Variants in MAD1L1 observed in about 807,000 individuals in gnomAD.
The protein encoded by MAD1L1 is mitotic arrest deficient 1 like 1.
A neutral mutation model predicts 96.9 loss-of-function variants in MAD1L1; 95 were observed. The ratio of observed to expected loss-of-function variants is 0.98; its 90% CI spans 0.83 to 1.16. The LOEUF is 1.16. Among genes scored for constraint, MAD1L1 ranks in the 50% most tolerant of loss-of-function variants. The pLI, the probability that MAD1L1 is intolerant of heterozygous loss-of-function variation, is 0.00. For missense variants in MAD1L1, 1,007 were observed against 954.4 expected, an observed-to-expected ratio of 1.06 and a Z score of -0.73; for synonymous variants, 473 against 396.6, an observed-to-expected ratio of 1.19 and a Z score of -2.29.
intron 17 of MAD1L1, among the ~76,000 whole-genome samples, chr7:1,910,980 G>A (rs79693194): frequency 0.35 from 53,687 of 151,720 alleles, 9,487 homozygotes; most frequent in Middle Eastern, 0.42. Flanking sequence ...AGGCCCTGGC[G>A]GGGCCTGGTC....
chr7:2,033,535 TA>T (rs1783327612), intron 12 of MAD1L1, among the ~76,000 whole-genome samples: 1 of 152,190 alleles, frequency 6.6e-6, no homozygotes, highest in South Asian at 2.1e-4. Flanking sequence ...GAAAACCTTT[TA>T]CAAATCAATA....
chr7:1,970,124 T>C (rs953689221), intron 15 of MAD1L1, among the ~76,000 whole-genome samples: 11 of 152,212 alleles, frequency 7.2e-5, no homozygotes, highest in Non-Finnish European at 1.2e-4. Context: ...GTTGTAGGAC[T>C]GGGCTGGAAA....
intron 18 of MAD1L1, among the ~76,000 whole-genome samples, chr7:1,857,487 G>A (rs1293605406): frequency 6.6e-6 from 1 of 152,192 alleles, no homozygotes; most frequent in African/African-American, 2.4e-5. Context: ...CCCCGCGTGT[G>A]CAGCTGAGTT....
chr7:1,994,067 A>G (rs1354392051), intron 14 of MAD1L1, among the ~76,000 whole-genome samples: 1 of 152,162 alleles, frequency 6.6e-6, no homozygotes, highest in East Asian at 1.9e-4. Flanking sequence ...CAGGTCACTA[A>G]TCCTGGCTGC....
chr7:2,151,963 C>A (rs556578424), intron 10 of MAD1L1, among the ~76,000 whole-genome samples: 1 of 152,350 alleles, frequency 6.6e-6, no homozygotes, highest in East Asian at 1.9e-4. Context: ...CCATCTCCAT[C>A]ACCCAAGGAG....
chr7:1,960,966 A>T (rs1436150053), intron 15 of MAD1L1, among the ~76,000 whole-genome samples: 3 of 152,230 alleles, frequency 2.0e-5, no homozygotes, highest in African/African-American at 7.2e-5. Flanking sequence ...TTAAACTAGC[A>T]ATCAGCACCA....
chr7:1,864,789 C>A (rs1436364772), intron 18 of MAD1L1, among the ~76,000 whole-genome samples: 1 of 152,144 alleles, frequency 6.6e-6, no homozygotes, highest in Non-Finnish European at 1.5e-5. Context: ...AGCCTGGTGC[C>A]CCCCGCCCCC....
At chr7:1,986,518 C>T (rs1021586123) in intron 14 of MAD1L1, among the ~76,000 whole-genome samples, 3 of 152,000 alleles carry the variant, frequency 2.0e-5, no homozygotes, top group Non-Finnish European at 4.4e-5. Context: ...GGGTTCTACT[C>T]CGCGGCTCCC....
At chr7:1,998,215 G>A (rs1163657532) in intron 14 of MAD1L1, among the ~76,000 whole-genome samples, 1 of 152,062 alleles carries the variant, frequency 6.6e-6, no homozygotes, top group Non-Finnish European at 1.5e-5. Flanking sequence ...CACCCCACCT[G>A]AGGGCCCAAG....
chr7:1,936,133 C>G (rs1400507005), intron 17 of MAD1L1, among the ~76,000 whole-genome samples: 3 of 152,242 alleles, frequency 2.0e-5, no homozygotes, highest in Non-Finnish European at 4.4e-5. Flanking sequence ...CAGCACCCTC[C>G]GAGGCTTGGC....
At chr7:1,987,591 G>A (rs1477255761) in intron 14 of MAD1L1, among the ~76,000 whole-genome samples, 1 of 151,884 alleles carries the variant, frequency 6.6e-6, no homozygotes, top group Non-Finnish European at 1.5e-5. Flanking sequence ...GGCAGGTGGG[G>A]GAAGAGCAAA....
chr7:2,147,248 C>T (rs887517828), intron 11 of MAD1L1, among the ~76,000 whole-genome samples: 1 of 152,150 alleles, frequency 6.6e-6, no homozygotes, highest in African/African-American at 2.4e-5. Context: ...AGACCAGCCG[C>T]CCCCCAGGAC....
intron 11 of MAD1L1, among the ~76,000 whole-genome samples, chr7:2,121,647 G>T (rs575767945): frequency 1.3e-5 from 2 of 152,310 alleles, no homozygotes; most frequent in African/African-American, 4.8e-5. Flanking sequence ...GAGGCCGCTT[G>T]GGCCCAGAGC....
intron 10 of MAD1L1, among the ~76,000 whole-genome samples, chr7:2,178,846 G>A (rs1791058548): frequency 6.7e-6 from 1 of 149,350 alleles, no homozygotes; most frequent in Middle Eastern, 3.6e-3. Flanking sequence ...GCAGTGAGCT[G>A]AGATCACATC....
intron 18 of MAD1L1, among the ~76,000 whole-genome samples, chr7:1,884,687 C>T (rs1364572952): frequency 3.9e-5 from 6 of 152,176 alleles, no homozygotes; most frequent in East Asian, 1.9e-4. Flanking sequence ...TCTGAGTGGG[C>T]GGAGGAGAAC....
chr7:2,045,951 G>A (rs934427973), intron 12 of MAD1L1, among the ~76,000 whole-genome samples: 3 of 152,328 alleles, frequency 2.0e-5, no homozygotes, highest in Middle Eastern at 3.4e-3. Flanking sequence ...CTGCACCACA[G>A]GCCGCCACAG....
rs149831286 is a variant in MAD1L1, at chr7:1,943,873, A to G, written c.1597-6976T>C. On this transcript the variant is annotated intron_variant, in intron 16 of 18. Transcript: ENST00000265854. The stretch of plus-strand genomic sequence containing the variant: ...CTGGATATGTAAGATGTGGCCGTGC[A>G]GACAGTGGGGTGTTTCAGCCACAAG... Among the ~76,000 whole-genome samples the G allele has an allele frequency of 4.7e-4, 71 of 152,258 alleles. 1 individual carries two copies. The East Asian group carries it at 0.013, about 29-fold the overall frequency.
intron 14 of MAD1L1, among the ~76,000 whole-genome samples, chr7:1,983,061 CAAT>C (rs1444445358): frequency 6.6e-6 from 1 of 152,118 alleles, no homozygotes; most frequent in Non-Finnish European, 1.5e-5. Flanking sequence ...GACATGTTAA[CAAT>C]GACACTGATA....
intron 11 of MAD1L1, among the ~76,000 whole-genome samples, chr7:2,135,102 G>A (rs1397204852): frequency 6.6e-6 from 1 of 152,160 alleles, no homozygotes; most frequent in Non-Finnish European, 1.5e-5. Flanking sequence ...ACCCAGAAAG[G>A]TAAGACTAGC....
Sources: gnomAD v4.1 joint callset for allele counts (sites outside exome capture counted in the v4.1 genomes callset) on GRCh38, gnomAD v4.1.1 for gene constraint, MANE v1.5 for transcripts, NCBI Gene and HGNC (gene_info 2026-07-23, HGNC 2026-07-21) for gene names.